Variants in IL10 observed in about 807,000 individuals in gnomAD.
IL10 encodes interleukin 10, also known as interleukin-10.
Under a neutral mutation model 21.0 loss-of-function variants are expected in IL10, and 7 were observed. That is an observed-to-expected ratio of 0.33 (90% CI 0.19 to 0.63). IL10 has a LOEUF of 0.63. Ranked by LOEUF, IL10 falls within the 20% of genes least tolerant of loss-of-function variation. The pLI, the probability that IL10 is intolerant of heterozygous loss-of-function variation, is 0.77. For missense variants in IL10, 161 were observed against 213.0 expected (o/e 0.76, Z 1.52); for synonymous variants, 83 against 79.7 (o/e 1.04, Z -0.22).
Position 206,772,492 on chromosome 1 carries a change from T to G in IL10, c.-57A>C. On this transcript the variant is annotated 5_prime_UTR_variant, in exon 1 of 5. Coordinates refer to ENST00000423557, the MANE Select transcript of IL10 (RefSeq NM_000572.3). ...GTTTTGCAAGAGCAAGCCCCTGATG[T>G]GTAGACCTTCACCTCTCTGTCCCCC... is the stretch of plus-strand genomic sequence containing the variant. The G allele has an allele frequency of 6.6e-7, 1 of 1,521,734 alleles. No homozygotes were observed. The highest frequency in any genetic ancestry group is 2.3e-5 in the East Asian group (1 of 44,422). The allele number at this position is 1,521,734 out of a possible 1,614,324, so 94.3% of individuals were successfully genotyped here.
At chr1:206,770,145 T>G (rs1184497289) in intron 3 of IL10, among the ~76,000 whole-genome samples, 1 of 152,148 alleles carries the variant, frequency 6.6e-6, no homozygotes, top group African/African-American at 2.4e-5. Context: ...CCCCCAGAAC[T>G]CTACAGTATC....
In IL10 at chr1:206,769,822, A is replaced by G; in HGVS notation, c.444+7T>C. On this transcript the variant is annotated splice_region_variant and intron_variant, in intron 4 of 4. Coordinates refer to ENST00000423557, the MANE Select transcript of IL10 (RefSeq NM_000572.3). ...TGCAGACCCTCTCTGCCACCATCCA[A>G]GCTCACCTTATTAAAGGCATTCTTC... 1 of 1,611,690 alleles carries G rather than the reference A, an allele frequency of 6.2e-7. No homozygotes were observed. The highest frequency in any genetic ancestry group is 8.5e-7 in the Non-Finnish European group (1 of 1,177,866).
rs1307541646 is a variant in IL10 at position 206,770,962 on chromosome 1, T to A, written c.323A>T (p.His108Leu). The A allele has an allele frequency of 1.2e-6, 2 of 1,614,176 alleles. No individual in the cohort carries two copies. Among genetic ancestry groups the A allele is most frequent in the Non-Finnish European group, 8.5e-7 (1 of 1,180,006 alleles). The change falls in exon 3 of 5, where the codon CAT (histidine) becomes CTT (leucine). Residue 108 changes from histidine to leucine, a missense_variant. Coordinates refer to ENST00000423557, the MANE Select transcript of IL10 (RefSeq NM_000572.3). ...AENQDPDIKAHVNSLGENLKT... is the reference protein window; with the variant it reads ...AENQDPDIKALVNSLGENLKT... ...CAGGTTCTCCCCCAGGGAGTTCACA[T>A]GCGCCTTGATGTCTGGGTCTTGGTT...
chr1:206,768,713 T>C lies in IL10; in HGVS notation c.460A>G (p.Ile154Val), dbSNP rs1055273176. The C allele has an allele frequency of 1.9e-6, 3 of 1,604,728 alleles. No individual in the cohort carries two copies. The highest frequency in any genetic ancestry group is 3.3e-5 in the Admixed American group (2 of 60,012). Reference protein sequence around the residue: ...NAFNKLQEKGIYKAMSEFDIF... With the variant: ...NAFNKLQEKGVYKAMSEFDIF... ...TCAAACTCACTCATGGCTTTGTAGA[T>C]GCCTTTCTCTTGGAGCTGTGCAGAG... The change falls in exon 5 of 5, where the codon ATC becomes GTC. Residue 154 changes from isoleucine to valine, a missense_variant. Ile to Val is a conservative substitution (Grantham distance 29). Coordinates refer to ENST00000423557, the MANE Select transcript of IL10 (RefSeq NM_000572.3).
At chr1:206,772,249 G>T in intron 1 of IL10, 22 bp downstream of exon 1, 1 of 1,608,602 alleles carries the variant, frequency 6.2e-7, no homozygotes, top group South Asian at 1.1e-5. Context: ...AGAGAGAAAG[G>T]ACAGGAAGGA....
intron 4 of IL10, 48 bp from the exon 5 acceptor site, chr1:206,768,776 T>C: frequency 8.8e-7 from 1 of 1,137,374 alleles, no homozygotes; most frequent in Non-Finnish European, 1.3e-6. Context: ...TTCTGGGGAC[T>C]AAATAGGCTC....
At chr1:206,769,915 T>C in intron 3 of IL10, 21 bp from the exon 4 acceptor site, 2 of 1,607,520 alleles carry the variant, frequency 1.2e-6, no homozygotes, top group African/African-American at 1.3e-5. Context: ...AAAGAGAAAG[T>C]GTTGGTGATC....
intron 2 of IL10, 22 bp from the exon 3 acceptor site, chr1:206,771,081 G>T: frequency 6.2e-7 from 1 of 1,613,792 alleles, no homozygotes. Flanking sequence ...AGCCAAAGGT[G>T]AGTGAGAGAT....
chr1:206,769,587 C>T (rs1357540813), intron 4 of IL10: 8 of 588,776 alleles, frequency 1.4e-5, no homozygotes, highest in African/African-American at 7.4e-5. Context: ...CAGCCTAACC[C>T]GCAAGCCTGC....
In IL10 at chr1:206,772,324, G is replaced by C. The variant is rs932830694; in HGVS notation, c.112C>G (p.Pro38Ala). 1.2e-6 allele frequency: 2 copies of C among 1,614,180 alleles called. No homozygotes were observed. The highest frequency in any genetic ancestry group is 1.3e-5 in the African/African-American group (1 of 75,056). ...TCTCGGAGATCTCGAAGCATGTTAG[G>C]CAGGTTGCCTGGGAAGTGGGTGCAG... is the stretch of plus-strand genomic sequence containing the variant. ...NSCTHFPGNL[P>A]NMLRDLRDAF... The change falls in exon 1 of 5, where the codon CCT (proline) becomes GCT (alanine). Residue 38 changes from proline (P) to alanine (A), a missense_variant. Transcript: ENST00000423557.
In IL10 at chr1:206,768,600, A is replaced by C; in HGVS notation, c.*36T>G. 1 of 1,238,232 alleles carries C rather than the reference A, an allele frequency of 8.1e-7. No individual in the cohort carries two copies. Among genetic ancestry groups the C allele is most frequent in the Non-Finnish European group, 1.2e-6 (1 of 838,124 alleles). The allele number at this position is 1,238,232 out of a possible 1,614,324, so 76.7% of individuals were successfully genotyped here. On this transcript the variant is annotated 3_prime_UTR_variant, in exon 5 of 5. Transcript: ENST00000423557. ...ATCCGATTTTGGAGACCTCTAATTTATGTCCTAGAGTCTATAGAGTCGCCA... is the reference window on the plus strand; with the variant it reads ...ATCCGATTTTGGAGACCTCTAATTTCTGTCCTAGAGTCTATAGAGTCGCCA...
chr1:206,769,696 A>G (rs1674763824), intron 4 of IL10, 133 bp downstream of exon 4: 1 of 756,898 alleles, frequency 1.3e-6, no homozygotes, highest in Non-Finnish European at 2.4e-6. Flanking sequence ...AGGTCATACC[A>G]TCTGTCAGGT....
chr1:206,772,244 G>A (rs1674872969), intron 1 of IL10, 27 bp downstream of exon 1: 1 of 1,606,788 alleles, frequency 6.2e-7, no homozygotes, highest in Non-Finnish European at 8.5e-7. Flanking sequence ...CAGGAAGAGA[G>A]AAAGGACAGG....
In IL10 at chr1:206,771,076, A is replaced by G; in HGVS notation, c.226-17T>C. On this transcript the variant is annotated splice_polypyrimidine_tract_variant and intron_variant, in intron 2 of 4. Coordinates refer to ENST00000423557, the MANE Select transcript of IL10 (RefSeq NM_000572.3). ...CAGGTAACCCTAAGGGCAGGAGCCA[A>G]AGGTGAGTGAGAGATTGGCGGAGGT... 1.9e-6 allele frequency: 3 copies of G among 1,614,012 alleles called. No individual in the cohort carries two copies. The highest frequency in any genetic ancestry group is 1.7e-6 in the Non-Finnish European group (2 of 1,179,948).
intron 4 of IL10, among the ~76,000 whole-genome samples, 197 bp from the exon 5 acceptor site, chr1:206,768,925 C>T (rs1345612018): frequency 6.6e-6 from 1 of 152,102 alleles, no homozygotes. Context: ...CTCCAGGCCT[C>T]CCCCTAGCAA....
chr1:206,770,018 C>T, intron 3 of IL10, 124 bp from the exon 4 acceptor site: 1 of 743,028 alleles, frequency 1.3e-6, no homozygotes, highest in Non-Finnish European at 2.4e-6. Context: ...CCTCACAGCT[C>T]CCAGAGAGAA....
rs745585022 is a variant in IL10, at chr1:206,769,332, C to A, written c.444+497G>T. Among the ~76,000 whole-genome samples, 3 of 152,244 alleles carry A rather than the reference C, an allele frequency of 2.0e-5. No individual in the cohort carries two copies. The South Asian group carries it at 6.2e-4, about 32-fold the overall frequency. ...ACATTCTCAGGCACCTCCGCAGGTG[C>A]GAAGGGCAGATGGAAAGCGGGCTTG... is the stretch of plus-strand genomic sequence containing the variant. On this transcript the variant is annotated intron_variant, in intron 4 of 4. Transcript: ENST00000423557.
intron 3 of IL10, chr1:206,770,621 G>A: frequency 2.1e-6 from 1 of 472,444 alleles, no homozygotes; most frequent in Non-Finnish European, 3.9e-6. Context: ...TGAAGCTCTG[G>A]GCTCCTTTTA....
chr1:206,771,438 A>G, intron 1 of IL10, 23 bp from the exon 2 acceptor site: 1 of 1,585,976 alleles, frequency 6.3e-7, no homozygotes, highest in Non-Finnish European at 8.6e-7. Context: ...CAAAAGGAGA[A>G]TGAACTTGAG....
Sources: gnomAD v4.1 joint callset for allele counts (sites outside exome capture counted in the v4.1 genomes callset) on GRCh38, gnomAD v4.1.1 for gene constraint, MANE v1.5 for transcripts, NCBI Gene and HGNC (gene_info 2026-07-23, HGNC 2026-07-21) for gene names.